The following FUCA1 variants were observed in gnomAD, a reference collection of about 807,000 sequenced individuals.
FUCA1 encodes the protein tissue alpha-L-fucosidase.
In FUCA1, 52 loss-of-function variants were observed where a neutral mutation model predicts 56.8. That is an observed-to-expected ratio of 0.92 (90% CI 0.73 to 1.15). FUCA1 has a LOEUF of 1.15. Among genes scored for constraint, FUCA1 ranks in the 50% most tolerant of loss-of-function variants. FUCA1 has a pLI of 0.00. For missense variants in FUCA1, 568 were observed against 592.6 expected (o/e 0.96, Z 0.43); for synonymous variants, 230 against 226.6 (o/e 1.02, Z -0.14).
Position 23,863,240 on chromosome 1 carries a change from A to C in FUCA1, c.556T>G (p.Leu186Val), listed in dbSNP as rs1253027726. The part of the protein sequence containing the change: ...NIRYGLYHSL[L>V]EWFHPLYLLD... ...AGATAGAGTGGATGGAACCACTCTA[A>C]GAGTGAGTGGTATAGTCCATAGCGG... Residue 186 changes from leucine to valine, a missense_variant, in exon 3 of 8, where the codon TTA becomes GTA. By Grantham distance (32) the Leu-to-Val change is conservative (BLOSUM62 1). Coordinates refer to ENST00000374479, the MANE Select transcript of FUCA1 (RefSeq NM_000147.5). 3 of 1,612,068 alleles carry C rather than the reference A, an allele frequency of 1.9e-6. No individual in the cohort carries two copies. Among genetic ancestry groups the C allele is most frequent in the Non-Finnish European group, 2.5e-6 (3 of 1,178,418 alleles).
At position 23,848,633 on chromosome 1, in the gene FUCA1, A is replaced by G. The variant is rs2148438645; in HGVS notation, c.1160+16T>C. ...GCACTGTTCTGTTCTTACACACAAC[A>G]GAAGACAAGACTCACCATACAGATG... On this transcript the variant is annotated intron_variant, in intron 6 of 7. Transcript: ENST00000374479. 6.2e-7 allele frequency: 1 copy of G among 1,613,766 alleles called. No individual in the cohort carries two copies. Among genetic ancestry groups the G allele is most frequent in the African/African-American group, 1.3e-5 (1 of 75,058 alleles).
At chr1:23,850,253 T>C (rs1300502922) in intron 5 of FUCA1, among the ~76,000 whole-genome samples, 2 of 146,622 alleles carry the variant, frequency 1.4e-5, no homozygotes, top group African/African-American at 5.0e-5. Flanking sequence ...GAGGTGGAGG[T>C]TGCAGCAAGC....
rs774708202 is a variant in FUCA1 at position 23,865,397 on chromosome 1, G to A, written c.524+94C>T. On this transcript the variant is annotated intron_variant, in intron 2 of 7. Transcript: ENST00000374479. ...AAGCCCTTCAGGCTACTTGCTATATGCAAACCTAGAAAACACACGCAAGTA... is the reference window on the plus strand; with the variant it reads ...AAGCCCTTCAGGCTACTTGCTATATACAAACCTAGAAAACACACGCAAGTA... 192 of 1,542,982 alleles carry A rather than the reference G, an allele frequency of 1.2e-4. 1 individual carries two copies. The highest frequency in any genetic ancestry group is 6.3e-4 in the South Asian group (56 of 89,108).
chr1:23,854,123 C>G lies in FUCA1; in HGVS notation c.969+237G>C, dbSNP rs35993651. 0.41 allele frequency among the ~76,000 whole-genome samples: 62,619 copies of G among 151,254 alleles called. 12,856 individuals are homozygous for G. Among genetic ancestry groups the G allele is most frequent in the East Asian group, 0.47 (2,432 of 5,150 alleles). ...CTGGACACCCTACTACCCACACCCACTTTAAGATATAGATTACAACCAACA... is the reference window on the plus strand; with the variant it reads ...CTGGACACCCTACTACCCACACCCAGTTTAAGATATAGATTACAACCAACA... On this transcript the variant is annotated intron_variant, in intron 5 of 7. Transcript: ENST00000374479.
intron 5 of FUCA1, among the ~76,000 whole-genome samples, chr1:23,851,478 T>C (rs764077840): frequency 3.2e-4 from 48 of 152,224 alleles, no homozygotes; most frequent in Non-Finnish European, 5.6e-4. Flanking sequence ...GTAACTCTAA[T>C]TATTTCCTTA....
chr1:23,859,922 G>A lies in FUCA1; in HGVS notation c.663-19C>T. The A allele has an allele frequency of 6.7e-7, 1 of 1,486,652 alleles. No individual in the cohort carries two copies. The highest frequency in any genetic ancestry group is 9.4e-7 in the Non-Finnish European group (1 of 1,064,114). The allele number at this position is 1,486,652 out of a possible 1,614,324, so 92.1% of individuals were successfully genotyped here. ...TTTATAGCTGGAAGACATGTGATCA[G>A]GACAGAGCTTATTATCTGAACATGT... On this transcript the variant is annotated intron_variant, in intron 3 of 7. Coordinates refer to ENST00000374479, the MANE Select transcript of FUCA1 (RefSeq NM_000147.5).
Position 23,867,828 on chromosome 1 carries a change from G to A in FUCA1, c.389+70C>T, listed in dbSNP as rs1283086748. On this transcript the variant is annotated intron_variant, in intron 1 of 7. Coordinates refer to ENST00000374479, the MANE Select transcript of FUCA1 (RefSeq NM_000147.5). This position sits in a 1 kb window ranked among gnomAD's most constrained non-coding sequence, Gnocchi z 4.9. ...GACCGGCAGCTGCGCGCCCCAGCTG[G>A]CCGCCCAGCCCCACCTCCTGTTTGC... 1.6e-5 allele frequency: 23 copies of A among 1,472,506 alleles called. No individual in the cohort carries two copies. Among genetic ancestry groups the A allele is most frequent in the Non-Finnish European group, 1.9e-5 (21 of 1,119,650 alleles). 91.2% of individuals were successfully genotyped at this position (1,472,506 alleles called of 1,614,324 possible).
chr1:23,851,689 G>A (rs1040142876), intron 5 of FUCA1, among the ~76,000 whole-genome samples: 3 of 149,706 alleles, frequency 2.0e-5, no homozygotes. Flanking sequence ...AAAAAAGAAT[G>A]AGTTCATGTC....
intron 1 of FUCA1, among the ~76,000 whole-genome samples, chr1:23,866,484 T>C (rs893670425): frequency 2.0e-5 from 3 of 152,230 alleles, no homozygotes. Flanking sequence ...TTTGCTTTTA[T>C]GGCACAAAAA....
intron 6 of FUCA1, among the ~76,000 whole-genome samples, chr1:23,847,075 A>C (rs556719390): frequency 1.6e-4 from 24 of 152,234 alleles, no homozygotes; most frequent in Admixed American, 3.9e-4. Flanking sequence ...TGTCACTGTT[A>C]CTAGGGAGCA....
Position 23,845,783 on chromosome 1 carries a change from G to GT in FUCA1, c.1332dup (p.Pro445ThrfsTer26). 1 of 1,614,162 alleles carries GT rather than the reference G, an allele frequency of 6.2e-7. No individual in the cohort carries two copies. Among genetic ancestry groups the GT allele is most frequent in the Non-Finnish European group, 8.5e-7 (1 of 1,179,994 alleles). ...GGGACAGCAGAGGGTGGCAACTGGG[G>GT]TAGAGAGATGAAGAGACCTTTATCT... On this transcript the variant is annotated frameshift_variant, in exon 8 of 8. Coordinates refer to ENST00000374479, the MANE Select transcript of FUCA1 (RefSeq NM_000147.5). LOFTEE classifies it low-confidence loss of function (END_TRUNC).
intron 2 of FUCA1, among the ~76,000 whole-genome samples, chr1:23,864,504 G>A (rs1413715931): frequency 6.6e-6 from 1 of 152,070 alleles, no homozygotes; most frequent in Non-Finnish European, 1.5e-5. Flanking sequence ...TATAATGCAA[G>A]AAGCAATTAC....
At chr1:23,854,593 G>A (rs1639353453) in intron 4 of FUCA1, 33 bp from the exon 5 acceptor site, 1 of 1,525,746 alleles carries the variant, frequency 6.6e-7, no homozygotes, top group Middle Eastern at 1.7e-4. Context: ...GTCATGAGGA[G>A]TAAAACCACT....
chr1:23,866,969 T>C (rs1469192847), intron 1 of FUCA1, among the ~76,000 whole-genome samples: 1 of 152,130 alleles, frequency 6.6e-6, no homozygotes, highest in African/African-American at 2.4e-5. Flanking sequence ...AACTTCTCTT[T>C]AGTACAAGTG....
intron 5 of FUCA1, among the ~76,000 whole-genome samples, chr1:23,849,544 C>CT (rs1397567003): frequency 1.5e-4 from 22 of 146,030 alleles, no homozygotes; most frequent in Admixed American, 1.4e-3. Context: ...CATGCTGCCC[C>CT]TTTGGGAAAA....
chr1:23,855,314 G>T (rs1198704885), intron 4 of FUCA1, among the ~76,000 whole-genome samples: 1 of 152,172 alleles, frequency 6.6e-6, no homozygotes, highest in Non-Finnish European at 1.5e-5. Flanking sequence ...TGGCTAACAC[G>T]GTGAAATCCC....
At chr1:23,849,419 G>A (rs1447949193) in intron 5 of FUCA1, among the ~76,000 whole-genome samples, 1 of 152,032 alleles carries the variant, frequency 6.6e-6, no homozygotes, top group Non-Finnish European at 1.5e-5. Context: ...CTGTGACACT[G>A]TACTTCTCAT....
chr1:23,855,824 T>C (rs892679380), intron 4 of FUCA1, among the ~76,000 whole-genome samples: 2 of 152,186 alleles, frequency 1.3e-5, no homozygotes, highest in Non-Finnish European at 2.9e-5. Flanking sequence ...ACAATCCTAA[T>C]TCTTCATTCA....
At position 23,867,715 on chromosome 1, in the gene FUCA1, C is replaced by A; in HGVS notation, c.389+183G>T. ...GAACCTTCATTTATCAGTCCCCAGTCAAACGCACCTCCTCCTCCTCATCAG... is the reference window on the plus strand; with the variant it reads ...GAACCTTCATTTATCAGTCCCCAGTAAAACGCACCTCCTCCTCCTCATCAG... On this transcript the variant is annotated intron_variant, in intron 1 of 7. Coordinates refer to ENST00000374479, the MANE Select transcript of FUCA1 (RefSeq NM_000147.5). The surrounding 1 kb of genome is among the most constrained non-coding windows in gnomAD (Gnocchi z 4.9). 1 of 985,304 alleles carries A rather than the reference C, an allele frequency of 1.0e-6. No individual in the cohort carries two copies. The highest frequency in any genetic ancestry group is 1.2e-6 in the Non-Finnish European group (1 of 829,816). The allele number at this position is 985,304 out of a possible 1,614,324, so 61.0% of individuals were successfully genotyped here. A position where few individuals can be genotyped will look rare whatever the true frequency, so the allele number is the denominator to read the frequency against.
Sources: allele counts gnomAD v4.1 joint callset (sites outside exome capture counted in the v4.1 genomes callset), GRCh38; gene constraint gnomAD v4.1.1; non-coding constraint Gnocchi (gnomAD v3.1); transcripts MANE v1.5; gene names NCBI Gene and HGNC (gene_info 2026-07-23, HGNC 2026-07-21).